CHIC2: variants seen among roughly 807,000 people sequenced by gnomAD.
CHIC2 encodes cysteine-rich hydrophobic domain-containing protein 2.
A neutral mutation model predicts 25.9 loss-of-function variants in CHIC2; 14 were observed. That is an observed-to-expected ratio of 0.54 (90% confidence interval 0.36 to 0.85). The LOEUF (loss-of-function observed/expected upper bound fraction) is 0.85. Among genes scored for constraint, CHIC2 ranks in the 40% least tolerant of loss-of-function variants. The pLI is 0.01. For missense variants in CHIC2, 146 were observed against 202.0 expected (o/e 0.72, Z 1.68); for synonymous variants, 70 against 72.0 (o/e 0.97, Z 0.14).
At chr4:54,076,782 A>C in the CHIC2 span, 1 of 152,280 alleles carries the variant, frequency 6.6e-6, no homozygotes, top group Non-Finnish European at 1.5e-5. Flanking sequence ...ATTTCTACAG[A>C]AACTATGATT....
chr4:54,058,318 A>G (rs933436397), intron 1 of CHIC2, among the ~76,000 whole-genome samples: 3 of 152,186 alleles, frequency 2.0e-5, no homozygotes, highest in Admixed American at 1.3e-4. Context: ...TTCGCAGATG[A>G]AAAAACTGAA....
At chr4:54,029,744 A>G (rs1560386238) in intron 3 of CHIC2, among the ~76,000 whole-genome samples, 1 of 152,234 alleles carries the variant, frequency 6.6e-6, no homozygotes, top group Non-Finnish European at 1.5e-5. Context: ...AACACAGAGT[A>G]AATCAGTTCT....
chr4:54,052,140 A>T (rs960475483), intron 1 of CHIC2, among the ~76,000 whole-genome samples: 13 of 152,016 alleles, frequency 8.6e-5, no homozygotes, highest in African/African-American at 3.1e-4. Flanking sequence ...TTTTAATCCA[A>T]ATCTAGACCA....
intron 1 of CHIC2, 56 bp from the exon 2 acceptor site, chr4:54,049,361 A>G: frequency 8.8e-7 from 1 of 1,135,430 alleles, no homozygotes; most frequent in Admixed American, 2.2e-5. Flanking sequence ...CCAAAAATGT[A>G]GACCATTTAA....
the CHIC2 span, among the ~76,000 whole-genome samples, chr4:54,084,959 C>CAAAAAAAAAAAAAAAAAAAAA: frequency 2.7e-4 from 16 of 58,924 alleles, no homozygotes; most frequent in African/African-American, 3.6e-4. Flanking sequence ...TGCTCTGTCT[C>CAAAAAAAAAAAAAAAAAAAAA]AAAAAAAAAA....
At chr4:54,088,831 T>C in the CHIC2 span, among the ~76,000 whole-genome samples, 65,464 of 152,056 alleles carry the variant, frequency 0.43, 15,253 homozygotes, top group African/African-American at 0.61. Flanking sequence ...CCAGTTACAT[T>C]TGAAGTTAAA....
Position 54,064,192 on chromosome 4 carries a change from G to A in CHIC2, c.109C>T (p.His37Tyr), listed in dbSNP as rs1182287520. 6.2e-7 allele frequency: 1 copy of A among 1,603,708 alleles called. No homozygotes were observed. The highest frequency in any genetic ancestry group is 8.5e-7 in the Non-Finnish European group (1 of 1,175,354). The change falls in exon 1 of 6, where the codon CAC becomes TAC. Residue 37 changes from histidine (H) to tyrosine (Y), a missense_variant. Transcript: ENST00000263921. This position sits in a 1 kb window ranked among gnomAD's most constrained non-coding sequence, Gnocchi z 4.2. Reference sequence around the variant, plus strand: ...TCCTCCGGGCCTTACACGGTGACGTGACCGGAGCCGCGGACGACCACCGGG... The same window carrying A: ...TCCTCCGGGCCTTACACGGTGACGTAACCGGAGCCGCGGACGACCACCGGG... ...PDPVVVRGSG[H>Y]VTVFGLSNKF...
chr4:54,068,762 A>G (rs375879982), upstream of CHIC2, among the ~76,000 whole-genome samples: 2 of 151,938 alleles, frequency 1.3e-5, no homozygotes, highest in Non-Finnish European at 2.9e-5. Context: ...CAATTCCAGC[A>G]CTCTCTACCT....
the CHIC2 span, among the ~76,000 whole-genome samples, chr4:54,074,480 A>G: frequency 6.6e-6 from 1 of 152,068 alleles, no homozygotes; most frequent in Non-Finnish European, 1.5e-5. Context: ...TTTAATAGTT[A>G]TAATCATGTT....
At chr4:54,045,213 C>T (rs1716744922) in intron 3 of CHIC2, among the ~76,000 whole-genome samples, 1 of 152,128 alleles carries the variant, frequency 6.6e-6, no homozygotes. Flanking sequence ...CGAATTCTAC[C>T]AGAGGTACAA....
intron 3 of CHIC2, among the ~76,000 whole-genome samples, chr4:54,036,885 T>C (rs1213149263): frequency 6.7e-6 from 1 of 149,734 alleles, no homozygotes; most frequent in Non-Finnish European, 1.5e-5. Flanking sequence ...AAAAAGTGTA[T>C]GTCCCCAAAA....
intron 3 of CHIC2, among the ~76,000 whole-genome samples, chr4:54,022,349 A>T (rs1412026963): frequency 2.0e-5 from 3 of 152,032 alleles, no homozygotes; most frequent in Non-Finnish European, 4.4e-5. Flanking sequence ...CTTACAGTGG[A>T]GGGTAAGTCC....
At chr4:54,026,332 C>T (rs1327087312) in intron 3 of CHIC2, among the ~76,000 whole-genome samples, 1 of 151,904 alleles carries the variant, frequency 6.6e-6, no homozygotes, top group Non-Finnish European at 1.5e-5. Context: ...CCAGCCTGGC[C>T]AACATGGTGA....
Position 54,064,443 on chromosome 4 carries a change from G to A in CHIC2, c.-143C>T. 2 of 1,504,030 alleles carry A rather than the reference G, an allele frequency of 1.3e-6. No homozygotes were observed. The highest frequency in any genetic ancestry group is 2.5e-5 in the East Asian group (1 of 40,530). The allele number at this position is 1,504,030 out of a possible 1,614,324, so 93.2% of individuals were successfully genotyped here. ...GCGGAGTTCGCTGTCGGCTGTCTCG[G>A]CTCCGGCTACAGAGGGGATGGGGTC... On this transcript the variant is annotated 5_prime_UTR_variant, in exon 1 of 6. Transcript: ENST00000263921. The surrounding 1 kb of genome is among the most constrained non-coding windows in gnomAD (Gnocchi z 4.2).
At chr4:54,079,788 AC>A in the CHIC2 span, among the ~76,000 whole-genome samples, 14 of 152,150 alleles carry the variant, frequency 9.2e-5, no homozygotes, top group African/African-American at 2.9e-4. Context: ...ATAAAAAAAA[AC>A]AAATTAAAAA....
At chr4:54,086,542 C>A in the CHIC2 span, among the ~76,000 whole-genome samples, 1 of 151,800 alleles carries the variant, frequency 6.6e-6, no homozygotes, top group Non-Finnish European at 1.5e-5. Flanking sequence ...GAGATTCAGA[C>A]GATAAACATA....
intron 1 of CHIC2, among the ~76,000 whole-genome samples, chr4:54,061,785 GGTTAA>G (rs1456004392): frequency 6.6e-6 from 1 of 152,020 alleles, no homozygotes; most frequent in African/African-American, 2.4e-5. Flanking sequence ...CCACAAAACA[GGTTAA>G]GTTTTCAATG....
chr4:54,049,753 GA>G (rs1353674157), intron 1 of CHIC2, among the ~76,000 whole-genome samples: 3 of 152,080 alleles, frequency 2.0e-5, no homozygotes, highest in Non-Finnish European at 4.4e-5. Context: ...GCAGGAAAAA[GA>G]GTGAGGAGGG....
the CHIC2 span, chr4:54,087,324 G>A: frequency 1.7e-6 from 1 of 572,714 alleles, no homozygotes; most frequent in Non-Finnish European, 3.1e-6. Context: ...TGGCTTGCTG[G>A]GGACTGGAAC....
Sources: gnomAD v4.1 joint callset for allele counts (sites outside exome capture counted in the v4.1 genomes callset) on GRCh38, gnomAD v4.1.1 for gene constraint, Gnocchi (gnomAD v3.1) non-coding constraint, MANE v1.5 for transcripts, NCBI Gene and HGNC (gene_info 2026-07-23, HGNC 2026-07-21) for gene names.